Variants in GPLD1 observed in about 807,000 individuals in gnomAD.
GPLD1 encodes phosphatidylinositol-glycan-specific phospholipase D.
A neutral mutation model predicts 112.6 loss-of-function variants in GPLD1; 84 were observed. The observed-to-expected ratio is 0.75, with a 90% CI of 0.63 to 0.89. GPLD1 has a LOEUF of 0.89. Among genes scored for constraint, GPLD1 ranks in the 40% least tolerant of loss-of-function variants. The pLI is 0.00. For missense variants in GPLD1, 1,044 were observed against 1,051.5 expected (o/e 0.99, Z 0.10); for synonymous variants, 386 against 403.8 (o/e 0.96, Z 0.53).
At chr6:24,480,479 T>A (rs552457301) in intron 2 of GPLD1, among the ~76,000 whole-genome samples, 5 of 150,444 alleles carry the variant, frequency 3.3e-5, no homozygotes, top group African/African-American at 1.2e-4. Context: ...TGAGCCACCA[T>A]ACCTGGCCCA....
At chr6:24,485,286 C>G (rs1348527422) in intron 2 of GPLD1, among the ~76,000 whole-genome samples, 1 of 152,032 alleles carries the variant, frequency 6.6e-6, no homozygotes, top group Non-Finnish European at 1.5e-5. Context: ...GCCTATAATC[C>G]CAGTGCTTTG....
At chr6:24,447,498 A>G (rs1294292808) in intron 17 of GPLD1, among the ~76,000 whole-genome samples, 1 of 143,374 alleles carries the variant, frequency 7.0e-6, no homozygotes, top group Admixed American at 7.2e-5. Flanking sequence ...CCTGGGTGAC[A>G]CAGGGAGACT....
At chr6:24,460,140 C>T (rs749153771) in intron 12 of GPLD1, 139 bp downstream of exon 12, 38 of 921,938 alleles carry the variant, frequency 4.1e-5, no homozygotes, top group Non-Finnish European at 6.4e-5. Flanking sequence ...TCAAGGGATC[C>T]TCTCAACTCA....
chr6:24,481,027 T>C lies in GPLD1; in HGVS notation c.154-1068A>G, dbSNP rs191801074. Among the ~76,000 whole-genome samples, 7 of 152,276 alleles carry C rather than the reference T, an allele frequency of 4.6e-5. No individual in the cohort carries two copies. The South Asian group carries it at 1.2e-3, about 27-fold the overall frequency. On this transcript the variant is annotated intron_variant, in intron 2 of 24. Transcript: ENST00000230036. ...GGTGGTGATGAGGTCCCAGAACCAA[T>C]AGGTGAGGTGGTGGCTTCTTATTTT...
chr6:24,466,259 C>T (rs1017307468), intron 10 of GPLD1, among the ~76,000 whole-genome samples: 1 of 152,206 alleles, frequency 6.6e-6, no homozygotes, highest in African/African-American at 2.4e-5. Flanking sequence ...AGGCACGAGA[C>T]TCCCTTGAAC....
chr6:24,436,960 C>T (rs1355509225), intron 21 of GPLD1, among the ~76,000 whole-genome samples, 153 bp downstream of exon 21: 1 of 152,250 alleles, frequency 6.6e-6, no homozygotes, highest in East Asian at 1.9e-4. Flanking sequence ...GTGCAACTCC[C>T]TCTCTGGTCT....
intron 1 of GPLD1, among the ~76,000 whole-genome samples, chr6:24,488,281 G>A (rs565495999): frequency 7.9e-5 from 12 of 152,002 alleles, no homozygotes; most frequent in East Asian, 1.9e-4. Context: ...GCGTGGTGGC[G>A]GGCACCTGTA....
chr6:24,441,513 C>A (rs550851116), intron 20 of GPLD1, among the ~76,000 whole-genome samples: 2 of 152,280 alleles, frequency 1.3e-5, no homozygotes, highest in East Asian at 3.9e-4. Flanking sequence ...GAGAGTCCTG[C>A]ATTCGTTTCA....
chr6:24,469,970 T>TA (rs1301324905), intron 7 of GPLD1, among the ~76,000 whole-genome samples: 2 of 152,106 alleles, frequency 1.3e-5, no homozygotes, highest in Admixed American at 1.3e-4. Flanking sequence ...AATATTTTTT[T>TA]AAATGAATCA....
At chr6:24,477,073 TC>T (rs1022064881) in intron 3 of GPLD1, among the ~76,000 whole-genome samples, 2 of 151,848 alleles carry the variant, frequency 1.3e-5, no homozygotes, top group African/African-American at 4.8e-5. Flanking sequence ...TTTGATTTGC[TC>T]CCACAGTTTT....
intron 11 of GPLD1, among the ~76,000 whole-genome samples, chr6:24,462,444 C>T (rs10946702): frequency 0.26 from 38,962 of 152,106 alleles, 5,328 homozygotes; most frequent in Non-Finnish European, 0.31. Flanking sequence ...CACTAACTAC[C>T]GTTTAATGAG....
chr6:24,484,402 G>A (rs892180539), intron 2 of GPLD1, among the ~76,000 whole-genome samples: 5 of 151,904 alleles, frequency 3.3e-5, no homozygotes, highest in South Asian at 2.1e-4. Flanking sequence ...TTTTAGTGGC[G>A]ACAAGGTTTC....
chr6:24,448,008 G>C lies in GPLD1; in HGVS notation c.1547C>G (p.Thr516Ser), dbSNP rs1323835198. 11 of 1,613,688 alleles carry C rather than the reference G, an allele frequency of 6.8e-6. No homozygotes were observed. In the South Asian group the frequency reaches 1.1e-4, roughly 16 times the overall value. The change falls in exon 17 of 25, where the codon ACT becomes AGT. Residue 516 changes from threonine to serine, a missense_variant. Coordinates refer to ENST00000230036, the MANE Select transcript of GPLD1 (RefSeq NM_001503.4). Reference protein sequence around the residue: ...CQDIYCNLGWTLLAADVNGDS... With the variant: ...CQDIYCNLGWSLLAADVNGDS... ...TCCATTCACATCTGCAGCCAAGAGA[G>C]TCCAGCCCAAGTTACAGTAGATGTC...
At chr6:24,424,169 T>G (rs1205563556), downstream of GPLD1, 1 of 151,408 alleles carries the variant, frequency 6.6e-6, no homozygotes, top group African/African-American at 2.5e-5. Context: ...TCTGTAAGTT[T>G]GAGCTTTAAA....
chr6:24,451,543 G>T (rs925777460), intron 14 of GPLD1, among the ~76,000 whole-genome samples: 1 of 152,150 alleles, frequency 6.6e-6, no homozygotes. Context: ...TCACCACGTT[G>T]ATCAGGCTGG....
chr6:24,425,524 G>A (rs1561819356), downstream of GPLD1: 1 of 152,204 alleles, frequency 6.6e-6, no homozygotes. Context: ...TTCCACTTTT[G>A]TGATTGCAGG....
At chr6:24,435,162 C>T (rs1325811547) in intron 22 of GPLD1, among the ~76,000 whole-genome samples, 2 of 151,804 alleles carry the variant, frequency 1.3e-5, no homozygotes, top group African/African-American at 4.8e-5. Flanking sequence ...CAGGCGCCCG[C>T]CACCAAGCCC....
At position 24,445,616 on chromosome 6, in the gene GPLD1, G is replaced by A; in HGVS notation, c.1950C>T (p.Ser650=). 6.2e-7 allele frequency: 1 copy of A among 1,613,808 alleles called. No homozygotes were observed. Among genetic ancestry groups the A allele is most frequent in the Non-Finnish European group, 8.5e-7 (1 of 1,179,776 alleles). Residue 650 remains serine (S), a synonymous_variant, in exon 20 of 25, where the codon TCC becomes TCT. Coordinates refer to ENST00000230036, the MANE Select transcript of GPLD1 (RefSeq NM_001503.4). ...GDKAMGKLGT[S]LSSGHVLMNG... ...TCATCAGTACGTGGCCACTGGAAAGGGAAGTACCCAGTTTCCCCATTGCCT... is the reference window on the plus strand; with the variant it reads ...TCATCAGTACGTGGCCACTGGAAAGAGAAGTACCCAGTTTCCCCATTGCCT...
chr6:24,457,050 A>T (rs1763291967), intron 12 of GPLD1, among the ~76,000 whole-genome samples: 1 of 152,312 alleles, frequency 6.6e-6, no homozygotes, highest in East Asian at 1.9e-4. Context: ...TTTGTATTTT[A>T]GTAGAGATGG....
Sources: gnomAD v4.1 joint callset for allele counts (sites outside exome capture counted in the v4.1 genomes callset) on GRCh38, gnomAD v4.1.1 for gene constraint, MANE v1.5 for transcripts, NCBI Gene and HGNC (gene_info 2026-07-23, HGNC 2026-07-21) for gene names.